RHCE: variants seen among roughly 807,000 people sequenced by gnomAD.
RHCE encodes Rh blood group CcEe antigens.
In RHCE, 22 loss-of-function variants were observed where a neutral mutation model predicts 43.8. The observed-to-expected ratio is 0.50, with a 90% confidence interval of 0.36 to 0.72. RHCE has a LOEUF of 0.72. RHCE is among the 30% of genes least tolerant of loss of function. The pLI is 0.00. For missense variants in RHCE, 385 were observed against 525.4 expected (o/e 0.73, Z 2.61); for synonymous variants, 156 against 210.7 (o/e 0.74, Z 2.25).
At chr1:25,412,309 T>C (rs1647105746) in intron 1 of RHCE, among the ~76,000 whole-genome samples, 1 of 152,230 alleles carries the variant, frequency 6.6e-6, no homozygotes, top group Non-Finnish European at 1.5e-5. Context: ...ACATAGGAGT[T>C]GGACTTGATA....
rs577531992 is a variant in RHCE, at chr1:25,386,457, C to T, written c.940-613G>A. Among the ~76,000 whole-genome samples, 5 of 152,188 alleles carry T rather than the reference C, an allele frequency of 3.3e-5. No individual in the cohort carries two copies. In the East Asian group the frequency reaches 9.6e-4, roughly 29 times the overall value. On this transcript the variant is annotated intron_variant, in intron 6 of 9. Transcript: ENST00000294413. ...CTCAGCCTCCCACACAGCCATGAGC[C>T]AGCAGATGTGGACACATATGCAAAT...
chr1:25,379,418 C>T (rs1429982924), intron 7 of RHCE, among the ~76,000 whole-genome samples: 3 of 133,888 alleles, frequency 2.2e-5, no homozygotes, highest in East Asian at 4.6e-4. Flanking sequence ...GCATGTCCTT[C>T]GTACATGCAA....
intron 1 of RHCE, among the ~76,000 whole-genome samples, chr1:25,417,468 T>C (rs1647644588): frequency 6.6e-6 from 1 of 152,080 alleles, no homozygotes; most frequent in South Asian, 2.1e-4. Flanking sequence ...AGAGTGAAAC[T>C]TCTCCTTGTA....
rs368600438 is a variant in RHCE, at chr1:25,407,541, G to A, written c.335+1142C>T. Among the ~76,000 whole-genome samples, 4 of 123,384 alleles carry A rather than the reference G, an allele frequency of 3.2e-5. 2 individuals are homozygous for A. In the South Asian group the frequency reaches 1.7e-3, roughly 51 times the overall value. 80.9% of individuals were successfully genotyped at this position (123,384 alleles called of 152,430 possible). ...ACAGCAGTGCCCAGAGGTTTAGCAGGGTCTTAGAAGGGGAGGCTGGAATGG... is the reference window on the plus strand; with the variant it reads ...ACAGCAGTGCCCAGAGGTTTAGCAGAGTCTTAGAAGGGGAGGCTGGAATGG... On this transcript the variant is annotated intron_variant, in intron 2 of 9. Coordinates refer to ENST00000294413, the MANE Select transcript of RHCE (RefSeq NM_020485.8).
chr1:25,373,660 G>C lies in RHCE; in HGVS notation c.1153+1689C>G, dbSNP rs566585769. On this transcript the variant is annotated intron_variant, in intron 8 of 9. Coordinates refer to ENST00000294413, the MANE Select transcript of RHCE (RefSeq NM_020485.8). ...TCATTTTACAGAGAAGCTAACCAAG[G>C]CTCAGAGGGAGTGAAGTGACATGCC... 9.9e-5 allele frequency among the ~76,000 whole-genome samples: 15 copies of C among 151,546 alleles called. 1 individual carries two copies. The highest frequency in any genetic ancestry group is 3.7e-4 in the African/African-American group (15 of 40,938).
At chr1:25,383,773 A>G (rs1646068633) in intron 7 of RHCE, among the ~76,000 whole-genome samples, 2 of 152,144 alleles carry the variant, frequency 1.3e-5, no homozygotes, top group African/African-American at 4.8e-5. Context: ...TGCTGGAGCC[A>G]GTTCCCATAG....
At chr1:25,426,870 A>C (rs1038313108) in intron 2 of RHCE, among the ~76,000 whole-genome samples, 31 of 152,192 alleles carry the variant, frequency 2.0e-4, no homozygotes, top group African/African-American at 7.0e-4. Flanking sequence ...CAGCCTGGCT[A>C]ACATGGCAAA....
chr1:25,420,520 G>T, intron 1 of RHCE, 119 bp downstream of exon 1: 1 of 1,596,584 alleles, frequency 6.3e-7, no homozygotes, highest in Non-Finnish European at 8.6e-7. Flanking sequence ...AGAAGATGGG[G>T]GAATCTTTTC....
intron 9 of RHCE, among the ~76,000 whole-genome samples, chr1:25,369,416 C>CA (rs1645536577): frequency 6.6e-6 from 1 of 151,688 alleles, no homozygotes; most frequent in African/African-American, 2.4e-5. Flanking sequence ...AGCCTACCCA[C>CA]AGCATTGACT....
At chr1:25,373,667 GGGAGT>G (rs1330765061) in intron 8 of RHCE, among the ~76,000 whole-genome samples, 1 of 151,632 alleles carries the variant, frequency 6.6e-6, no homozygotes, top group East Asian at 1.9e-4. Context: ...AAGGCTCAGA[GGGAGT>G]GAAGTGACAT....
In RHCE at chr1:25,392,039, C is replaced by T. The variant is rs754954217; in HGVS notation, c.589G>A (p.Asp197Asn). ...LPKPLPKGTE[D>N]NDQRATIPSL... Reference sequence around the variant, plus strand: ...GGTATCGTTGCTCTCTGATCATTATCCTCCGTTCCCTTGGGTAGAGGCTTT... The same window carrying T: ...GGTATCGTTGCTCTCTGATCATTATTCTCCGTTCCCTTGGGTAGAGGCTTT... The change falls in exon 4 of 10, where the codon GAT becomes AAT. Residue 197 changes from aspartate (D) to asparagine (N), a missense_variant. Physicochemically the swap from Asp to Asn is conservative, Grantham distance 23. Coordinates refer to ENST00000294413, the MANE Select transcript of RHCE (RefSeq NM_020485.8). 7 of 1,614,058 alleles carry T rather than the reference C, an allele frequency of 4.3e-6. No individual in the cohort carries two copies. The highest frequency in any genetic ancestry group is 4.2e-6 in the Non-Finnish European group (5 of 1,180,048).
chr1:25,418,359 G>C (rs1362872923), intron 1 of RHCE, among the ~76,000 whole-genome samples: 1 of 150,724 alleles, frequency 6.6e-6, no homozygotes, highest in Non-Finnish European at 1.5e-5. Context: ...TGTTGTTGTT[G>C]TTGTTTTTGT....
At chr1:25,379,465 A>ACTTT (rs1039232189) in intron 7 of RHCE, among the ~76,000 whole-genome samples, 1 of 11,562 alleles carries the variant, frequency 8.6e-5, no homozygotes, top group African/African-American at 2.8e-4. Context: ...ATATATATAT[A>ACTTT]TATATATATA....
intron 2 of RHCE, among the ~76,000 whole-genome samples, chr1:25,406,079 G>A (rs1646905973): frequency 8.1e-6 from 1 of 122,974 alleles, no homozygotes; most frequent in African/African-American, 2.5e-5. Context: ...GTGGACATCA[G>A]ATGAAGGGAG....
chr1:25,386,791 C>T (rs1389172786), intron 6 of RHCE, among the ~76,000 whole-genome samples: 1 of 151,876 alleles, frequency 6.6e-6, no homozygotes, highest in Non-Finnish European at 1.5e-5. Flanking sequence ...CACTGCACTC[C>T]AGCCTGGGCA....
rs202097700 is a variant in RHCE, at chr1:25,379,199, AAG to A, written c.1074-3773_1074-3772del. ...AGAGGGTATCACATGGCAAGAGGGC[AAG>A]AGCATGTCAGCTCAGGTCTCTCTTC... On this transcript the variant is annotated intron_variant, in intron 7 of 9. Coordinates refer to ENST00000294413, the MANE Select transcript of RHCE (RefSeq NM_020485.8). 5.5e-3 allele frequency among the ~76,000 whole-genome samples: 838 copies of A among 151,996 alleles called. 12 individuals are homozygous for A. Among genetic ancestry groups the A allele is most frequent in the African/African-American group, 0.019 (788 of 41,472 alleles).
intron 1 of RHCE, among the ~76,000 whole-genome samples, chr1:25,417,391 C>T (rs987365364): frequency 2.0e-5 from 3 of 152,112 alleles, no homozygotes; most frequent in South Asian, 2.1e-4. Flanking sequence ...GCTTAACCAA[C>T]TCGTGCAGAA....
chr1:25,370,263 T>C (rs140129297), intron 9 of RHCE, among the ~76,000 whole-genome samples: 10,328 of 151,454 alleles, frequency 0.068, 1,355 homozygotes, highest in African/African-American at 0.23. Context: ...ATCAGGGAAA[T>C]GGTGACCTTT....
At chr1:25,415,390 C>T (rs1288432620) in intron 1 of RHCE, among the ~76,000 whole-genome samples, 4 of 152,152 alleles carry the variant, frequency 2.6e-5, no homozygotes, top group South Asian at 2.1e-4. Context: ...TGGTGGCTCA[C>T]GCCTGTAATC....
Sources: gnomAD v4.1 joint callset for allele counts (sites outside exome capture counted in the v4.1 genomes callset) on GRCh38, gnomAD v4.1.1 for gene constraint, MANE v1.5 for transcripts, NCBI Gene and HGNC (gene_info 2026-07-23, HGNC 2026-07-21) for gene names.